Variants in FNBP1 observed in about 807,000 individuals in gnomAD.
FNBP1 encodes formin binding protein 1.
Under a neutral mutation model 90.6 loss-of-function variants are expected in FNBP1, and 26 were observed. That is an observed-to-expected ratio of 0.29 (90% CI 0.21 to 0.40). The LOEUF (loss-of-function observed/expected upper bound fraction) is 0.40, where lower values mean the gene tolerates loss of function less well. Among genes scored for constraint, FNBP1 ranks in the 10% least tolerant of loss-of-function variants. FNBP1 has a pLI of 1.00. For synonymous variants in FNBP1, 260 were observed against 265.2 expected, an observed-to-expected ratio of 0.98 and a Z score of 0.19; for missense variants, 635 against 768.0, an observed-to-expected ratio of 0.83 and a Z score of 2.05.
chr9:130,051,870 G>C, the FNBP1 span, among the ~76,000 whole-genome samples: 1 of 152,098 alleles, frequency 6.6e-6, no homozygotes, highest in Non-Finnish European at 1.5e-5. Context: ...AAGGCTAAAA[G>C]CCAAGCTTAG....
intron 2 of FNBP1, among the ~76,000 whole-genome samples, chr9:129,987,871 A>T (rs1461509355): frequency 6.6e-6 from 1 of 152,088 alleles, no homozygotes; most frequent in East Asian, 1.9e-4. Flanking sequence ...TGTTAAATTT[A>T]AATTCATTTC....
Position 129,925,141 on chromosome 9 carries a change from A to G in FNBP1, c.806T>C (p.Ile269Thr). The G allele has an allele frequency of 6.2e-7, 1 of 1,612,852 alleles. No homozygotes were observed. The highest frequency in any genetic ancestry group is 8.5e-7 in the Non-Finnish European group (1 of 1,179,232). The change falls in exon 9 of 17, where the codon ATA (isoleucine) becomes ACA (threonine). Residue 269 changes from isoleucine (I) to threonine (T), a missense_variant. By Grantham distance (89) the Ile-to-Thr change is moderately conservative. Coordinates refer to ENST00000446176, the MANE Select transcript of FNBP1 (RefSeq NM_015033.3). ...IDQKNDSQLV[I>T]EAYKSGFEPP... Reference sequence around the variant, plus strand: ...CTCAAACCCTGATTTATAAGCTTCTATTACCAGCTGTGAATCCTGAAATTA... The same window carrying G: ...CTCAAACCCTGATTTATAAGCTTCTGTTACCAGCTGTGAATCCTGAAATTA...
At chr9:130,014,864 T>C (rs1261804141) in intron 1 of FNBP1, among the ~76,000 whole-genome samples, 1 of 151,924 alleles carries the variant, frequency 6.6e-6, no homozygotes, top group East Asian at 1.9e-4. Context: ...TCCTCTGTTT[T>C]CTTCCCTTAA....
chr9:129,980,931 G>C (rs1589046821), intron 2 of FNBP1, among the ~76,000 whole-genome samples: 1 of 151,554 alleles, frequency 6.6e-6, no homozygotes, highest in African/African-American at 2.4e-5. Flanking sequence ...GGCGCCTGTA[G>C]TCCCAGCTAC....
intron 15 of FNBP1, among the ~76,000 whole-genome samples, chr9:129,898,847 G>A (rs34152497): frequency 0.043 from 6,536 of 151,838 alleles, 173 homozygotes; most frequent in Middle Eastern, 0.1. Context: ...CATATCATAC[G>A]ACCTGCATCC....
intron 2 of FNBP1, among the ~76,000 whole-genome samples, chr9:129,984,781 T>G (rs973755296): frequency 1.3e-5 from 2 of 152,172 alleles, no homozygotes; most frequent in African/African-American, 4.8e-5. Flanking sequence ...TGAATAAGTC[T>G]CACAAGATCT....
At chr9:129,891,538 T>A (rs887606993) in intron 16 of FNBP1, among the ~76,000 whole-genome samples, 1 of 152,180 alleles carries the variant, frequency 6.6e-6, no homozygotes, top group Admixed American at 6.5e-5. Context: ...TCCAATTCTC[T>A]CAGAAGGAAA....
rs144524226 is a variant in FNBP1, at chr9:129,978,178, G to A, written c.345+287C>T. Among the ~76,000 whole-genome samples the A allele has an allele frequency of 0.017, 2,646 of 151,966 alleles. 29 individuals are homozygous for A. The highest frequency in any genetic ancestry group is 0.021 in the African/African-American group (866 of 41,422). On this transcript the variant is annotated intron_variant, in intron 4 of 16. Transcript: ENST00000446176. ...TGGGATTACAGCCACATGCCACCAC[G>A]CCTGGCTAATTTTTGTATTTTTAGT...
At chr9:129,910,062 T>C in intron 11 of FNBP1, 4 of 450,338 alleles carry the variant, frequency 8.9e-6, no homozygotes, top group South Asian at 3.1e-5. Flanking sequence ...CTCTTTACAC[T>C]GTGCATGAGC....
intron 6 of FNBP1, among the ~76,000 whole-genome samples, chr9:129,955,256 C>T (rs1043813427): frequency 4.0e-5 from 6 of 150,596 alleles, no homozygotes; most frequent in Non-Finnish European, 8.9e-5. Context: ...TTTTTTGAGA[C>T]GGGGTCTGGC....
intron 1 of FNBP1, among the ~76,000 whole-genome samples, chr9:130,038,499 G>A (rs532754873): frequency 6.8e-6 from 1 of 147,162 alleles, no homozygotes; most frequent in Non-Finnish European, 1.5e-5. Flanking sequence ...CCGGGTTCAA[G>A]CGATTCTCCG....
intron 1 of FNBP1, among the ~76,000 whole-genome samples, chr9:130,012,841 A>G (rs1472190453): frequency 1.3e-5 from 2 of 152,050 alleles, no homozygotes; most frequent in Non-Finnish European, 2.9e-5. Context: ...GGGTTTCACC[A>G]TGTTAGCCAG....
At chr9:129,910,441 C>T (rs998789859) in intron 11 of FNBP1, among the ~76,000 whole-genome samples, 11 of 127,424 alleles carry the variant, frequency 8.6e-5, no homozygotes, top group Non-Finnish European at 1.4e-4. Flanking sequence ...GAGATCGTGC[C>T]GCTGTACTCC....
chr9:130,029,816 T>G (rs1426719250), intron 1 of FNBP1, among the ~76,000 whole-genome samples: 1 of 151,578 alleles, frequency 6.6e-6, no homozygotes, highest in Non-Finnish European at 1.5e-5. Flanking sequence ...AGACAACATC[T>G]CTACAAAAAA....
intron 1 of FNBP1, among the ~76,000 whole-genome samples, chr9:130,030,254 G>A (rs996975174): frequency 6.6e-6 from 1 of 152,034 alleles, no homozygotes; most frequent in East Asian, 1.9e-4. Context: ...GGCTAACATG[G>A]TGAAACCCCA....
chr9:130,004,600 T>C (rs1169698651), intron 1 of FNBP1, among the ~76,000 whole-genome samples: 1 of 152,178 alleles, frequency 6.6e-6, no homozygotes, highest in Non-Finnish European at 1.5e-5. Context: ...CAGAATCCCT[T>C]AGGATTATGT....
intron 6 of FNBP1, among the ~76,000 whole-genome samples, chr9:129,948,067 T>C (rs1257751443): frequency 6.6e-6 from 1 of 150,602 alleles, no homozygotes; most frequent in Non-Finnish European, 1.5e-5. Flanking sequence ...GGCAGGAGGA[T>C]CACTTGAGGC....
intron 6 of FNBP1, among the ~76,000 whole-genome samples, chr9:129,952,741 C>A (rs184088715): frequency 2.0e-5 from 3 of 152,204 alleles, no homozygotes; most frequent in Admixed American, 2.0e-4. Context: ...CAATTCTAAA[C>A]TTCATTTGTT....
rs57580231 is a variant in FNBP1 at position 129,923,714 on chromosome 9, T to G, written c.1170+130A>C. On this transcript the variant is annotated intron_variant, in intron 10 of 16. Coordinates refer to ENST00000446176, the MANE Select transcript of FNBP1 (RefSeq NM_015033.3). ...CTTTCTAGCTATAATGGTTTTTGTTTTTTTTTTTTTAACTTTTTTATATGT... is the reference window on the plus strand; with the variant it reads ...CTTTCTAGCTATAATGGTTTTTGTTGTTTTTTTTTTAACTTTTTTATATGT... The G allele has an allele frequency of 6.0e-4, 656 of 1,093,258 alleles. 4 individuals carry two copies. In the East Asian group the frequency reaches 0.017, roughly 28 times the overall value. The allele number at this position is 1,093,258 out of a possible 1,614,324, so 67.7% of individuals were successfully genotyped here.
Sources: allele counts gnomAD v4.1 joint callset (sites outside exome capture counted in the v4.1 genomes callset), GRCh38; gene constraint gnomAD v4.1.1; transcripts MANE v1.5; gene names NCBI Gene and HGNC (gene_info 2026-07-23, HGNC 2026-07-21).